Variants in SKAP1 observed in about 807,000 individuals in gnomAD.
SKAP1 encodes the protein src kinase associated phosphoprotein 1, also known as src kinase-associated phosphoprotein 1.
SKAP1 carries 44 observed loss-of-function variants against 58.5 expected under a neutral mutation model. The observed-to-expected ratio is 0.75, with a 90% confidence interval of 0.59 to 0.97. The LOEUF (loss-of-function observed/expected upper bound fraction) is 0.97. SKAP1 is among the 50% of genes least tolerant of loss of function. The pLI, the probability that SKAP1 is intolerant of heterozygous loss-of-function variation, is 0.00. For synonymous variants in SKAP1, 127 were observed against 149.7 expected (o/e 0.85, Z 1.11); for missense variants, 390 against 435.2 (o/e 0.90, Z 0.92).
At chr17:48,190,110 AT>A (rs61267385) in intron 4 of SKAP1, among the ~76,000 whole-genome samples, 277 of 141,908 alleles carry the variant, frequency 2.0e-3, no homozygotes, top group African/African-American at 2.9e-3. Flanking sequence ...AAAATTAAGA[AT>A]TTTTTTTTTT....
chr17:48,412,863 T>C (rs953665575), intron 1 of SKAP1, among the ~76,000 whole-genome samples: 2 of 152,148 alleles, frequency 1.3e-5, no homozygotes, highest in African/African-American at 4.8e-5. Flanking sequence ...TTGCTCCATA[T>C]TAATTTTTAA....
chr17:48,396,049 C>T (rs1436649683), intron 2 of SKAP1, among the ~76,000 whole-genome samples: 2 of 152,162 alleles, frequency 1.3e-5, no homozygotes, highest in African/African-American at 4.8e-5. Context: ...CATTCAGTTA[C>T]CCATTTCAAG....
chr17:48,256,730 G>A (rs2065427436), intron 4 of SKAP1, among the ~76,000 whole-genome samples: 1 of 152,108 alleles, frequency 6.6e-6, no homozygotes, highest in Non-Finnish European at 1.5e-5. Flanking sequence ...AGGTAAAAAT[G>A]GGACAGGAGG....
chr17:48,235,695 T>C (rs1271262265), intron 4 of SKAP1, among the ~76,000 whole-genome samples: 1 of 152,178 alleles, frequency 6.6e-6, no homozygotes, highest in East Asian at 1.9e-4. Context: ...AGAATGTTGG[T>C]GTTCACCTCC....
chr17:48,403,566 GAAC>G (rs1212150250), intron 1 of SKAP1, among the ~76,000 whole-genome samples: 1 of 151,856 alleles, frequency 6.6e-6, no homozygotes, highest in African/African-American at 2.4e-5. Flanking sequence ...GACACCTACA[GAAC>G]AACAGCAACA....
intron 4 of SKAP1, among the ~76,000 whole-genome samples, chr17:48,259,095 C>T (rs190955822): frequency 9.2e-5 from 14 of 151,928 alleles, no homozygotes; most frequent in East Asian, 5.8e-4. Flanking sequence ...CTTGAATGTC[C>T]GTAATTTTTT....
At chr17:48,285,822 T>C (rs956064467) in intron 4 of SKAP1, among the ~76,000 whole-genome samples, 2 of 152,204 alleles carry the variant, frequency 1.3e-5, no homozygotes, top group African/African-American at 4.8e-5. Context: ...TCTCAGACAT[T>C]TACTTTTGGA....
intron 1 of SKAP1, among the ~76,000 whole-genome samples, chr17:48,408,846 C>G (rs556081546): frequency 1.3e-5 from 2 of 152,236 alleles, no homozygotes; most frequent in East Asian, 3.9e-4. Context: ...GAAAATGGTG[C>G]TACTCACAGT....
intron 4 of SKAP1, 99 bp downstream of exon 4, chr17:48,345,806 C>G: frequency 2.5e-6 from 2 of 786,434 alleles, no homozygotes; most frequent in Non-Finnish European, 2.2e-6. Context: ...GAAAACCCAC[C>G]AAAGGCTGCT....
chr17:48,275,374 G>C (rs147440211), intron 4 of SKAP1, among the ~76,000 whole-genome samples: 1 of 152,132 alleles, frequency 6.6e-6, no homozygotes, highest in African/African-American at 2.4e-5. Flanking sequence ...ATCCATTTAG[G>C]GGGATCTTTG....
chr17:48,179,489 G>A (rs181179041), intron 9 of SKAP1, among the ~76,000 whole-genome samples: 160 of 152,292 alleles, frequency 1.1e-3, no homozygotes, highest in African/African-American at 3.6e-3. Context: ...CTGTAATGAT[G>A]AGCAGATAAA....
At chr17:48,134,833 A>G (rs1300087951) in intron 12 of SKAP1, among the ~76,000 whole-genome samples, 1 of 150,584 alleles carries the variant, frequency 6.6e-6, no homozygotes, top group African/African-American at 2.4e-5. Flanking sequence ...CTTCCCAAGT[A>G]GCTGGGATTA....
chr17:48,351,307 G>A (rs1598602473), intron 3 of SKAP1, among the ~76,000 whole-genome samples: 1 of 152,284 alleles, frequency 6.6e-6, no homozygotes, highest in East Asian at 1.9e-4. Flanking sequence ...GAACATCCTA[G>A]AGGCTTCACC....
intron 4 of SKAP1, among the ~76,000 whole-genome samples, chr17:48,205,463 A>G (rs888083801): frequency 2.0e-5 from 3 of 152,146 alleles, no homozygotes; most frequent in African/African-American, 7.2e-5. Context: ...CAGAAAAGAT[A>G]AAAAGTATTA....
At chr17:48,330,932 T>A (rs904171487) in intron 4 of SKAP1, among the ~76,000 whole-genome samples, 4 of 152,162 alleles carry the variant, frequency 2.6e-5, no homozygotes, top group Admixed American at 2.6e-4. Flanking sequence ...CATGATTCCT[T>A]TATCTCTCAG....
chr17:48,291,482 G>T (rs16954750), intron 4 of SKAP1, among the ~76,000 whole-genome samples: 1 of 152,108 alleles, frequency 6.6e-6, no homozygotes, highest in Non-Finnish European at 1.5e-5. Flanking sequence ...AAAAATTTGC[G>T]TACTGGCAAT....
intron 4 of SKAP1, among the ~76,000 whole-genome samples, chr17:48,305,064 A>T (rs1183974930): frequency 6.6e-6 from 1 of 152,224 alleles, no homozygotes; most frequent in Non-Finnish European, 1.5e-5. Context: ...TGTAGGTCTT[A>T]GAAGCTTAAA....
intron 4 of SKAP1, among the ~76,000 whole-genome samples, chr17:48,213,757 C>T (rs1243363006): frequency 6.6e-6 from 1 of 152,182 alleles, no homozygotes; most frequent in Non-Finnish European, 1.5e-5. Flanking sequence ...CCACTGTTTT[C>T]ACTTATTCTA....
intron 2 of SKAP1, among the ~76,000 whole-genome samples, chr17:48,376,482 G>A (rs2067151892): frequency 6.6e-6 from 1 of 152,086 alleles, no homozygotes; most frequent in African/African-American, 2.4e-5. Context: ...AACCTCCTTG[G>A]AAAAACTCGG....
Sources: gnomAD v4.1 joint callset for allele counts (sites outside exome capture counted in the v4.1 genomes callset) on GRCh38, gnomAD v4.1.1 for gene constraint, MANE v1.5 for transcripts, NCBI Gene and HGNC (gene_info 2026-07-23, HGNC 2026-07-21) for gene names.